The following CPT1A variants were observed in gnomAD, a reference collection of about 807,000 sequenced individuals.
The protein encoded by CPT1A is carnitine O-palmitoyltransferase 1, liver isoform.
A neutral mutation model predicts 100.8 loss-of-function variants in CPT1A; 64 were observed. That is an observed-to-expected ratio of 0.63 (90% CI 0.52 to 0.78). The LOEUF is 0.78. Ranked by LOEUF, CPT1A falls within the 30% of genes least tolerant of loss-of-function variation. The pLI is 0.00. For synonymous variants in CPT1A, 363 were observed against 396.0 expected (o/e 0.92, Z 0.99); for missense variants, 802 against 1,034.1 (o/e 0.78, Z 3.08).
chr11:68,767,603 C>T (rs1854845595), intron 14 of CPT1A, among the ~76,000 whole-genome samples: 1 of 152,044 alleles, frequency 6.6e-6, no homozygotes, highest in African/African-American at 2.4e-5. Flanking sequence ...TATATATACA[C>T]ATATATATGC....
At chr11:68,813,696 CAA>C (rs11400593) in intron 2 of CPT1A, among the ~76,000 whole-genome samples, 1 of 136,776 alleles carries the variant, frequency 7.3e-6, no homozygotes, top group Admixed American at 7.4e-5. Context: ...GACCCTGTCT[CAA>C]AAAAAAAAAA....
intron 14 of CPT1A, among the ~76,000 whole-genome samples, chr11:68,768,805 G>C (rs1398546341): frequency 6.6e-6 from 1 of 152,002 alleles, no homozygotes; most frequent in African/African-American, 2.4e-5. Context: ...ATTCTTCCCC[G>C]ATGCATGTTT....
intron 10 of CPT1A, 108 bp downstream of exon 10, chr11:68,784,707 G>A (rs1049688502): frequency 9.3e-7 from 1 of 1,071,968 alleles, no homozygotes; most frequent in Non-Finnish European, 1.4e-6. Flanking sequence ...GAGCCGAGGT[G>A]GGGAGTCCCG....
intron 14 of CPT1A, among the ~76,000 whole-genome samples, chr11:68,769,652 G>C (rs1397056151): frequency 6.6e-6 from 1 of 152,078 alleles, no homozygotes; most frequent in Admixed American, 6.5e-5. Flanking sequence ...TTTCAAAAAT[G>C]TTACAGGTGA....
chr11:68,823,128 T>C (rs2154001972), intron 1 of CPT1A, among the ~76,000 whole-genome samples: 1 of 152,200 alleles, frequency 6.6e-6, no homozygotes, highest in Admixed American at 6.5e-5. Flanking sequence ...TGTGTGCCTG[T>C]AGTCCCAGCT....
chr11:68,758,362 G>C (rs934592370), intron 18 of CPT1A, among the ~76,000 whole-genome samples: 2 of 152,188 alleles, frequency 1.3e-5, no homozygotes, highest in African/African-American at 4.8e-5. Context: ...GGGTTGCCAG[G>C]CTATGTACGA....
At chr11:68,791,085 A>C (rs1855600786) in intron 9 of CPT1A, among the ~76,000 whole-genome samples, 1 of 152,144 alleles carries the variant, frequency 6.6e-6, no homozygotes, top group African/African-American at 2.4e-5. Flanking sequence ...TGGCCTCCCA[A>C]AGTGCTGGGA....
intron 4 of CPT1A, among the ~76,000 whole-genome samples, chr11:68,807,005 A>C (rs1856064391): frequency 6.6e-6 from 1 of 152,190 alleles, no homozygotes; most frequent in Non-Finnish European, 1.5e-5. Context: ...TTGGACAAGC[A>C]TCCACATATA....
intron 1 of CPT1A, chr11:68,839,825 C>T: frequency 8.9e-6 from 4 of 447,462 alleles, no homozygotes; most frequent in Non-Finnish European, 1.2e-5. Context: ...ACCACTGGTC[C>T]GGGGCCGGGG....
chr11:68,794,997 A>G, intron 7 of CPT1A, 86 bp from the exon 8 acceptor site: 2 of 1,021,208 alleles, frequency 2.0e-6, no homozygotes, highest in East Asian at 4.7e-5. Context: ...ACACTGTCAC[A>G]ATATTTCTAG....
At chr11:68,839,129 C>CA (rs1293735030) in intron 1 of CPT1A, among the ~76,000 whole-genome samples, 5 of 152,134 alleles carry the variant, frequency 3.3e-5, no homozygotes, top group Non-Finnish European at 7.4e-5. Context: ...TCTGGCCTGC[C>CA]AATAATAACC....
At chr11:68,819,360 A>G (rs567532651) in intron 1 of CPT1A, among the ~76,000 whole-genome samples, 28 of 152,070 alleles carry the variant, frequency 1.8e-4, no homozygotes, top group Admixed American at 7.2e-4. Flanking sequence ...GATTACTGCT[A>G]TGAGCCACCA....
Position 68,755,114 on chromosome 11 carries a change from G to A in CPT1A, c.*2530C>T. ...TAAGACCCCTCTTTCTCCCCTCAAG[G>A]AATATAAAATTGCATTGATAACTGC... On this transcript the variant is annotated 3_prime_UTR_variant, in exon 19 of 19. Transcript: ENST00000265641. The A allele has an allele frequency of 2.2e-6, 1 of 457,968 alleles. No homozygotes were observed. The allele number at this position is 457,968 out of a possible 1,614,324, so 28.4% of individuals were successfully genotyped here.
chr11:68,840,856 C>T (rs1182127246), intron 1 of CPT1A, among the ~76,000 whole-genome samples: 2 of 152,230 alleles, frequency 1.3e-5, no homozygotes, highest in African/African-American at 4.8e-5. Flanking sequence ...CCAAGTTCGC[C>T]AGGGCACGGC....
At chr11:68,816,926 GGTGTGTGTGT>G (rs1856423842) in intron 1 of CPT1A, among the ~76,000 whole-genome samples, 1 of 48,344 alleles carries the variant, frequency 2.1e-5, no homozygotes, top group African/African-American at 5.9e-5. Context: ...TGTGTGTGTG[GGTGTGTGTGT>G]GGGGTGAGTG....
chr11:68,790,153 C>G (rs1855574697), intron 9 of CPT1A, among the ~76,000 whole-genome samples: 1 of 152,096 alleles, frequency 6.6e-6, no homozygotes, highest in Non-Finnish European at 1.5e-5. Context: ...TCACTACAGT[C>G]TCCACCTCCC....
At chr11:68,802,261 GTA>G (rs10551845) in intron 5 of CPT1A, among the ~76,000 whole-genome samples, 8,045 of 151,970 alleles carry the variant, frequency 0.053, 693 homozygotes, top group African/African-American at 0.18. Flanking sequence ...ATGGTTAACA[GTA>G]CAATTCATGT....
chr11:68,768,860 C>G (rs1252192903), intron 14 of CPT1A, among the ~76,000 whole-genome samples: 28 of 152,158 alleles, frequency 1.8e-4, no homozygotes. Context: ...CATGGGGCCC[C>G]TAAATTTATT....
At chr11:68,811,262 A>G (rs945549891) in intron 3 of CPT1A, among the ~76,000 whole-genome samples, 1 of 152,140 alleles carries the variant, frequency 6.6e-6, no homozygotes, top group Non-Finnish European at 1.5e-5. Flanking sequence ...TCGGTCTCCC[A>G]AAGTCCTGGG....
Sources: allele counts gnomAD v4.1 joint callset (sites outside exome capture counted in the v4.1 genomes callset), GRCh38; gene constraint gnomAD v4.1.1; transcripts MANE v1.5; gene names NCBI Gene and HGNC (gene_info 2026-07-23, HGNC 2026-07-21).